The following PARPBP variants were observed in gnomAD, a reference collection of about 807,000 sequenced individuals.
PARPBP encodes PCNA-interacting partner.
In PARPBP, 52 loss-of-function variants were observed where a neutral mutation model predicts 50.0. That is an observed-to-expected ratio of 1.04 (90% CI 0.83 to 1.31). PARPBP has a LOEUF of 1.31. Ranked by LOEUF, PARPBP falls within the 50% of genes most tolerant of loss-of-function variation. The pLI is 0.00. For synonymous variants in PARPBP, 244 were observed against 232.1 expected (o/e 1.05, Z -0.47); for missense variants, 697 against 672.0 (o/e 1.04, Z -0.41).
chr12:102,192,202 T>C (rs1229343715), intron 9 of PARPBP, among the ~76,000 whole-genome samples: 2 of 152,148 alleles, frequency 1.3e-5, no homozygotes. Context: ...ACAGATCTTT[T>C]TCTTACAGGA....
chr12:102,184,408 G>T (rs1016119931), intron 9 of PARPBP, among the ~76,000 whole-genome samples: 8 of 152,106 alleles, frequency 5.3e-5, no homozygotes, highest in African/African-American at 1.9e-4. Context: ...TGTTTTTAAA[G>T]AAAATGTTAA....
rs779173180 is a variant in PARPBP at position 102,148,216 on chromosome 12, A to C, written c.154-14A>C. 1 of 1,050,400 alleles carries C rather than the reference A, an allele frequency of 9.5e-7. No homozygotes were observed. Among genetic ancestry groups the C allele is most frequent in the African/African-American group, 1.7e-5 (1 of 58,340 alleles). 65.1% of individuals were successfully genotyped at this position (1,050,400 alleles called of 1,614,324 possible). ...CAACTTTATTTTTTTTTTTTTTGGC[A>C]TTATCTTTTTCAGCACAGTGGAGAA... is the stretch of plus-strand genomic sequence containing the variant. On this transcript the variant is annotated splice_polypyrimidine_tract_variant and intron_variant, in intron 2 of 10. Coordinates refer to ENST00000327680, the MANE Select transcript of PARPBP (RefSeq NM_017915.5).
intron 2 of PARPBP, among the ~76,000 whole-genome samples, chr12:102,139,432 G>T (rs918780313): frequency 1.3e-5 from 2 of 152,120 alleles, no homozygotes; most frequent in East Asian, 3.9e-4. Flanking sequence ...CTGCAAACAG[G>T]GACAATTTGA....
chr12:102,173,693 G>C (rs574988967), intron 6 of PARPBP, among the ~76,000 whole-genome samples: 1 of 151,850 alleles, frequency 6.6e-6, no homozygotes, highest in East Asian at 1.9e-4. Flanking sequence ...AACTGAATGT[G>C]AAAGTCCCTG....
chr12:102,170,879 T>C (rs1888621751), intron 6 of PARPBP, among the ~76,000 whole-genome samples: 1 of 151,662 alleles, frequency 6.6e-6, no homozygotes, highest in African/African-American at 2.4e-5. Context: ...ATCCTTATTC[T>C]ATATGCTTTT....
intron 1 of PARPBP, among the ~76,000 whole-genome samples, chr12:102,122,025 A>G (rs1881221003): frequency 6.6e-6 from 1 of 152,164 alleles, no homozygotes; most frequent in South Asian, 2.1e-4. Flanking sequence ...GGGAAAGGTG[A>G]TGTAACTTGG....
rs560351699 is a variant in PARPBP, at chr12:102,128,260, C to T, written c.153+4219C>T. ...ACCTCTTTTGTTTTTTTGATGGAGT[C>T]TCACTCTGTCTCCCATGCTGGAGTG... On this transcript the variant is annotated intron_variant, in intron 2 of 10. Transcript: ENST00000327680. 3.5e-4 allele frequency among the ~76,000 whole-genome samples: 53 copies of T among 152,098 alleles called. 1 individual carries two copies. The highest frequency in any genetic ancestry group is 1.2e-3 in the African/African-American group (50 of 41,476).
intron 2 of PARPBP, among the ~76,000 whole-genome samples, chr12:102,137,685 T>A (rs1199968939): frequency 6.6e-6 from 1 of 151,442 alleles, no homozygotes; most frequent in East Asian, 2.0e-4. Context: ...CCCCAGTTTG[T>A]GATGTTCCCC....
At chr12:102,189,976 T>C (rs542916175) in intron 9 of PARPBP, among the ~76,000 whole-genome samples, 1 of 152,308 alleles carries the variant, frequency 6.6e-6, no homozygotes, top group East Asian at 1.9e-4. Context: ...CCAACTGGTT[T>C]CTTTACCCTA....
In PARPBP at chr12:102,149,812, G is replaced by A. The variant is rs572027053; in HGVS notation, c.387+1349G>A. Among the ~76,000 whole-genome samples the A allele has an allele frequency of 2.6e-5, 4 of 152,212 alleles. No homozygotes were observed. The South Asian group carries it at 8.3e-4, about 32-fold the overall frequency. The stretch of plus-strand genomic sequence containing the variant: ...CCGCACACATGTACAACTACACTAT[G>A]GTAAGGATACTTGTAAAGATAGCTT... On this transcript the variant is annotated intron_variant, in intron 3 of 10. Transcript: ENST00000327680.
Position 102,196,171 on chromosome 12 carries a change from A to G in PARPBP, c.1620A>G (p.Ser540=). ...AAAATGCTAAAATACCTAAGAAATC[A>G]AATGATTCACAGAATAGATTGTACG... ...QHKNAKIPKK[S]NDSQNRLYGK... The change falls in exon 11 of 11, where the codon TCA becomes TCG. Residue 540 remains serine, a synonymous_variant. Coordinates refer to ENST00000327680, the MANE Select transcript of PARPBP (RefSeq NM_017915.5). 1 of 1,611,984 alleles carries G rather than the reference A, an allele frequency of 6.2e-7. No homozygotes were observed. Among genetic ancestry groups the G allele is most frequent in the Non-Finnish European group, 8.5e-7 (1 of 1,178,478 alleles).
At chr12:102,162,716 G>A (rs1887727614) in intron 4 of PARPBP, among the ~76,000 whole-genome samples, 1 of 151,978 alleles carries the variant, frequency 6.6e-6, no homozygotes, top group South Asian at 2.1e-4. Context: ...TAGCTACCGG[G>A]GAAGCTGAGG....
chr12:102,142,008 A>G (rs1420895916), intron 2 of PARPBP, among the ~76,000 whole-genome samples: 2 of 152,034 alleles, frequency 1.3e-5, no homozygotes, highest in Admixed American at 1.3e-4. Context: ...AGTTCTCTGT[A>G]TTTCCTGAAT....
chr12:102,123,739 A>G, intron 1 of PARPBP, 147 bp from the exon 2 acceptor site: 1 of 496,664 alleles, frequency 2.0e-6, no homozygotes, highest in Non-Finnish European at 3.4e-6. Flanking sequence ...TTGTTTTCCT[A>G]AATTTAATTA....
chr12:102,175,799 G>T (rs551530233), intron 7 of PARPBP, 133 bp downstream of exon 7: 1 of 578,322 alleles, frequency 1.7e-6, no homozygotes, highest in Non-Finnish European at 2.8e-6. Context: ...TATTGAAAAT[G>T]TAAGTTTCTC....
chr12:102,154,979 C>T (rs1375753542), intron 4 of PARPBP: 1 of 341,598 alleles, frequency 2.9e-6, no homozygotes, highest in African/African-American at 2.2e-5. Context: ...ACCAGAGACT[C>T]CTTTCTACTG....
intron 7 of PARPBP, among the ~76,000 whole-genome samples, chr12:102,177,509 T>A (rs1473196279): frequency 6.6e-6 from 1 of 151,966 alleles, no homozygotes; most frequent in Non-Finnish European, 1.5e-5. Flanking sequence ...TTATTATATA[T>A]TTTATTTTAT....
intron 1 of PARPBP, among the ~76,000 whole-genome samples, chr12:102,120,761 C>A (rs1416149486): frequency 6.6e-6 from 1 of 152,154 alleles, no homozygotes; most frequent in Non-Finnish European, 1.5e-5. Context: ...GTTTCACTAA[C>A]GTCTCATTCT....
At chr12:102,162,824 A>C (rs1274059011) in intron 4 of PARPBP, among the ~76,000 whole-genome samples, 1 of 152,008 alleles carries the variant, frequency 6.6e-6, no homozygotes, top group Non-Finnish European at 1.5e-5. Flanking sequence ...TCTCAAAAAA[A>C]GAAAAAAAAA....
Sources: gnomAD v4.1 joint callset for allele counts (sites outside exome capture counted in the v4.1 genomes callset) on GRCh38, gnomAD v4.1.1 for gene constraint, MANE v1.5 for transcripts, NCBI Gene and HGNC (gene_info 2026-07-23, HGNC 2026-07-21) for gene names.